SNCG: variants seen among roughly 807,000 people sequenced by gnomAD.
SNCG encodes synuclein gamma.
Under a neutral mutation model 16.0 loss-of-function variants are expected in SNCG, and 13 were observed. The observed-to-expected ratio is 0.81, with a 90% CI of 0.53 to 1.29. The LOEUF is 1.29. Ranked by LOEUF, SNCG falls within the 50% of genes most tolerant of loss-of-function variation. The pLI is 0.00. For missense variants in SNCG, 154 were observed against 168.5 expected (o/e 0.91, Z 0.48); for synonymous variants, 66 against 66.3 (o/e 1.00, Z 0.02).
At chr10:86,956,237 A>G (rs2133690221), upstream of SNCG, among the ~76,000 whole-genome samples, 1 of 144,166 alleles carries the variant, frequency 6.9e-6, no homozygotes, top group African/African-American at 2.6e-5. Context: ...AGGTTTCTCC[A>G]TGGCCAACTG....
intron 3 of SNCG, among the ~76,000 whole-genome samples, chr10:86,960,377 G>A (rs2133695707): frequency 6.6e-6 from 1 of 152,334 alleles, no homozygotes; most frequent in East Asian, 1.9e-4. Context: ...GACAAGGAAA[G>A]TGAGGCTCAA....
intron 4 of SNCG, 21 bp from the exon 5 acceptor site, chr10:86,962,944 G>A (rs1409329789): frequency 1.9e-6 from 3 of 1,598,512 alleles, no homozygotes; most frequent in Non-Finnish European, 2.6e-6. Context: ...AGCTGGGTGT[G>A]CAGGTCATTC....
At chr10:86,961,249 C>G (rs1217669189) in intron 3 of SNCG, among the ~76,000 whole-genome samples, 1 of 152,084 alleles carries the variant, frequency 6.6e-6, no homozygotes, top group Non-Finnish European at 1.5e-5. Flanking sequence ...AGCTGGCAGC[C>G]GCTCCCTCTC....
upstream of SNCG, chr10:86,958,160 C>T: frequency 1.0e-6 from 1 of 984,204 alleles, no homozygotes; most frequent in Non-Finnish European, 1.2e-6. Flanking sequence ...AGCTGCACAG[C>T]CCAGGCCGCG....
In SNCG at chr10:86,959,356, G is replaced by A. The variant is rs1290614380; in HGVS notation, c.122-277G>A. The A allele has an allele frequency of 2.7e-5, 15 of 563,270 alleles. No individual in the cohort carries two copies. The highest frequency in any genetic ancestry group is 1.7e-4 in the South Asian group (8 of 46,124). The allele number at this position is 563,270 out of a possible 1,614,324, so 34.9% of individuals were successfully genotyped here. A position where few individuals can be genotyped will look rare whatever the true frequency, so the allele number is the denominator to read the frequency against. On this transcript the variant is annotated intron_variant, in intron 1 of 4. Coordinates refer to ENST00000372017, the MANE Select transcript of SNCG (RefSeq NM_003087.3). The surrounding 1 kb of genome is among the most constrained non-coding windows in gnomAD (Gnocchi z 4.3). ...GTCCTGTTGCTGCTTCTGAGGCCCG[G>A]CCACACCCGGGCAGGGGCTGGACCC...
At chr10:86,960,422 A>T (rs1844323581) in intron 3 of SNCG, among the ~76,000 whole-genome samples, 1 of 152,150 alleles carries the variant, frequency 6.6e-6, no homozygotes, top group Admixed American at 6.5e-5. Flanking sequence ...AGCACTTAGG[A>T]GACACCCCAT....
rs748442264 is a variant in SNCG at position 86,959,724 on chromosome 10, C to A, written c.163+50C>A. ...CACATGGGGGATAGGACCCCTGGGG[C>A]TCCTGCATCCTAGTGCTGGGGCTCA... On this transcript the variant is annotated intron_variant, in intron 2 of 4. Coordinates refer to ENST00000372017, the MANE Select transcript of SNCG (RefSeq NM_003087.3). This position sits in a 1 kb window ranked among gnomAD's most constrained non-coding sequence, Gnocchi z 4.3. 2.6e-6 allele frequency: 4 copies of A among 1,517,388 alleles called. No homozygotes were observed. The highest frequency in any genetic ancestry group is 3.6e-6 in the Non-Finnish European group (4 of 1,116,802). 94.0% of individuals were successfully genotyped at this position (1,517,388 alleles called of 1,614,324 possible).
At chr10:86,962,846 T>TC in intron 4 of SNCG, 119 bp from the exon 5 acceptor site, 1 of 1,244,908 alleles carries the variant, frequency 8.0e-7, no homozygotes, top group Non-Finnish European at 1.1e-6. Flanking sequence ...GAGTGGGAGG[T>TC]CCCCCCACGG....
rs1844283853 is a variant in SNCG, at chr10:86,958,809, A to C, written c.112A>C (p.Met38Leu). The C allele has an allele frequency of 6.2e-7, 1 of 1,608,056 alleles. No individual in the cohort carries two copies. Among genetic ancestry groups the C allele is most frequent in the African/African-American group, 1.3e-5 (1 of 74,908 alleles). Residue 38 changes from methionine (M) to leucine (L), a missense_variant, in exon 1 of 5, where the codon ATG (methionine) becomes CTG (leucine). Coordinates refer to ENST00000372017, the MANE Select transcript of SNCG (RefSeq NM_003087.3). ...EAAEKTKEGV[M>L]YVGAKTKENV... is the part of the protein sequence containing the mutation. Reference sequence around the variant, plus strand: ...AGCTGAGAAGACCAAGGAGGGGGTCATGTATGTGGGTAAGTGGGGCATGGC... The same window carrying C: ...AGCTGAGAAGACCAAGGAGGGGGTCCTGTATGTGGGTAAGTGGGGCATGGC...
upstream of SNCG, chr10:86,957,839 C>T: frequency 3.4e-6 from 4 of 1,178,774 alleles, no homozygotes; most frequent in Non-Finnish European, 4.2e-6. Context: ...CTTATGGGAA[C>T]CTGCTCCCTG....
In SNCG at chr10:86,959,459, C is replaced by G; in HGVS notation, c.122-174C>G. Reference sequence around the variant, plus strand: ...TCTGTCCTGTCCCCTTCCCATCCATCCACTTCTTCCAGACACAGCAGGAAG... The same window carrying G: ...TCTGTCCTGTCCCCTTCCCATCCATGCACTTCTTCCAGACACAGCAGGAAG... On this transcript the variant is annotated intron_variant, in intron 1 of 4. Transcript: ENST00000372017. The surrounding 1 kb of genome is among the most constrained non-coding windows in gnomAD (Gnocchi z 4.3). 1 of 643,334 alleles carries G rather than the reference C, an allele frequency of 1.6e-6. No homozygotes were observed. Among genetic ancestry groups the G allele is most frequent in the Non-Finnish European group, 2.8e-6 (1 of 357,462 alleles). The allele number at this position is 643,334 out of a possible 1,614,324, so 39.9% of individuals were successfully genotyped here.
upstream of SNCG, chr10:86,957,659 G>T: frequency 7.1e-7 from 1 of 1,405,186 alleles, no homozygotes; most frequent in Non-Finnish European, 9.5e-7. Flanking sequence ...GGACAACAAA[G>T]AGAGGAAGTG....
At position 86,959,484 on chromosome 10, in the gene SNCG, G is replaced by C. The variant is rs1844300465; in HGVS notation, c.122-149G>C. 2 of 677,448 alleles carry C rather than the reference G, an allele frequency of 3.0e-6. No individual in the cohort carries two copies. The highest frequency in any genetic ancestry group is 5.4e-5 in the East Asian group (2 of 37,020). 42.0% of individuals were successfully genotyped at this position (677,448 alleles called of 1,614,324 possible). On this transcript the variant is annotated intron_variant, in intron 1 of 4. Transcript: ENST00000372017. The surrounding 1 kb of genome is among the most constrained non-coding windows in gnomAD (Gnocchi z 4.3). ...CCACTTCTTCCAGACACAGCAGGAA[G>C]AGGCCCTCTGAAGGGGCCGCCGGCC...
chr10:86,959,773 C>A lies in SNCG; in HGVS notation c.163+99C>A. 1 of 1,315,092 alleles carries A rather than the reference C, an allele frequency of 7.6e-7. No homozygotes were observed. The highest frequency in any genetic ancestry group is 2.4e-5 in the East Asian group (1 of 41,064). 81.5% of individuals were successfully genotyped at this position (1,315,092 alleles called of 1,614,324 possible). ...CAAACCTAGAGTCCTGCCTTACCCC[C>A]AACTGGGGTCCCAAGCCCTACAGAC... On this transcript the variant is annotated intron_variant, in intron 2 of 4. Coordinates refer to ENST00000372017, the MANE Select transcript of SNCG (RefSeq NM_003087.3). This position sits in a 1 kb window ranked among gnomAD's most constrained non-coding sequence, Gnocchi z 4.3.
chr10:86,959,528 C>G lies in SNCG; in HGVS notation c.122-105C>G. On this transcript the variant is annotated intron_variant, in intron 1 of 4. Transcript: ENST00000372017. The surrounding 1 kb of genome is among the most constrained non-coding windows in gnomAD (Gnocchi z 4.3). ...GCCGGCCCCCAGACACCATCCTTAC[C>G]CCCCCACCGACCCCACAGTTTGTCC... 1 of 989,654 alleles carries G rather than the reference C, an allele frequency of 1.0e-6. No individual in the cohort carries two copies. Among genetic ancestry groups the G allele is most frequent in the Non-Finnish European group, 1.6e-6 (1 of 631,926 alleles). 61.3% of individuals were successfully genotyped at this position (989,654 alleles called of 1,614,324 possible).
chr10:86,962,635 AG>A lies in SNCG; in HGVS notation c.326del (p.Gly109ValfsTer50). On this transcript the variant is annotated frameshift_variant, in exon 4 of 5. Transcript: ENST00000372017. LOFTEE classifies it high-confidence loss of function. ...TTGAGGCCATCTGCCCCCCAACAGGAGGGTGAGGCATCCAAAGAGAAAGAGG... is the reference window on the plus strand; with the variant it reads ...TTGAGGCCATCTGCCCCCCAACAGGAGGTGAGGCATCCAAAGAGAAAGAGG... ...EDLRPSAPQQ[E>X]GEASKEKEEV... is the part of the protein sequence containing the mutation. 1 of 1,612,810 alleles carries A rather than the reference AG, an allele frequency of 6.2e-7. No individual in the cohort carries two copies.
intron 3 of SNCG, 50 bp from the exon 4 acceptor site, chr10:86,962,554 G>C (rs746465203): frequency 3.6e-6 from 5 of 1,404,476 alleles, no homozygotes; most frequent in Non-Finnish European, 4.0e-6. Flanking sequence ...GGGCAGCTAG[G>C]GGTCTCTGCA....
chr10:86,962,752 C>A, intron 4 of SNCG, 77 bp downstream of exon 4: 1 of 1,314,774 alleles, frequency 7.6e-7, no homozygotes, highest in Non-Finnish European at 1.1e-6. Context: ...GCACTGCTTC[C>A]CTCCTGGGCT....
chr10:86,958,706 C>T lies in SNCG; in HGVS notation c.9C>T (p.Val3=). 1 of 1,614,074 alleles carries T rather than the reference C, an allele frequency of 6.2e-7. No homozygotes were observed. Among genetic ancestry groups the T allele is most frequent in the Non-Finnish European group, 8.5e-7 (1 of 1,179,994 alleles). The change falls in exon 1 of 5, where the codon GTC becomes GTT. Residue 3 remains valine (V), a synonymous_variant. Coordinates refer to ENST00000372017, the MANE Select transcript of SNCG (RefSeq NM_003087.3). MD[V]FKKGFSIAKE... is the part of the protein sequence containing the mutation. ...AACCCTGCACACCCACCATGGATGT[C>T]TTCAAGAAGGGCTTCTCCATCGCCA...
Sources: gnomAD v4.1 joint callset for allele counts (sites outside exome capture counted in the v4.1 genomes callset) on GRCh38, gnomAD v4.1.1 for gene constraint, Gnocchi (gnomAD v3.1) non-coding constraint, MANE v1.5 for transcripts, NCBI Gene and HGNC (gene_info 2026-07-23, HGNC 2026-07-21) for gene names.